Variants in PTER observed in about 807,000 individuals in gnomAD.
The protein encoded by PTER is phosphotriesterase related, also known as N-acetyltaurine hydrolase.
In PTER, 38 loss-of-function variants were observed where a neutral mutation model predicts 29.6. The observed-to-expected ratio is 1.28, with a 90% CI of 0.99 to 1.68. The LOEUF (loss-of-function observed/expected upper bound fraction) is 1.68, where lower values mean the gene tolerates loss of function less well. Among genes scored for constraint, PTER ranks in the 40% most tolerant of loss-of-function variants. The pLI, the probability that PTER is intolerant of heterozygous loss-of-function variation, is 0.00. For missense variants in PTER, 482 were observed against 427.8 expected (o/e 1.13, Z -1.12); for synonymous variants, 172 against 154.5 (o/e 1.11, Z -0.84).
chr10:16,474,801 C>T (rs1323176190), intron 1 of PTER, among the ~76,000 whole-genome samples: 1 of 152,092 alleles, frequency 6.6e-6, no homozygotes, highest in Non-Finnish European at 1.5e-5. Flanking sequence ...GCAGGAGAAT[C>T]GCTTGAACCC....
At chr10:16,459,537 G>A (rs778921723) in intron 1 of PTER, among the ~76,000 whole-genome samples, 3 of 152,024 alleles carry the variant, frequency 2.0e-5, no homozygotes, top group African/African-American at 4.8e-5. Flanking sequence ...GGAACATTTA[G>A]GAACTACAGG....
chr10:16,452,219 A>ACACACACACG (rs1834237298), intron 1 of PTER, among the ~76,000 whole-genome samples: 1 of 146,512 alleles, frequency 6.8e-6, no homozygotes, highest in Non-Finnish European at 1.5e-5. Flanking sequence ...ACACACACAC[A>ACACACACACG]CATATATATA....
rs191818853 is a variant in PTER at position 16,488,730 on chromosome 10, A to G, written c.698+2113A>G. The stretch of plus-strand genomic sequence containing the variant: ...GTGATCCTCCAACCTCAGCCTCCCA[A>G]GAAGCTGGGACTACAGGCATGTGCC... On this transcript the variant is annotated intron_variant, in intron 3 of 4. Coordinates refer to ENST00000535784, the MANE Select transcript of PTER (RefSeq NM_001261836.2). 2.6e-3 allele frequency among the ~76,000 whole-genome samples: 395 copies of G among 152,108 alleles called. 3 individuals carry two copies. Among genetic ancestry groups the G allele is most frequent in the African/African-American group, 9.0e-3 (375 of 41,512 alleles).
intron 1 of PTER, among the ~76,000 whole-genome samples, chr10:16,476,622 G>A (rs1438603927): frequency 6.6e-6 from 1 of 152,006 alleles, no homozygotes; most frequent in African/African-American, 2.4e-5. Context: ...TTGGAGTGCA[G>A]TGGTGTGATC....
At chr10:16,451,483 T>C (rs1588585911) in intron 1 of PTER, among the ~76,000 whole-genome samples, 1 of 152,218 alleles carries the variant, frequency 6.6e-6, no homozygotes. Flanking sequence ...CCAAGGTGGG[T>C]GGATCACTTG....
In PTER at chr10:16,511,238, A is replaced by G. The variant is rs758180150; in HGVS notation, c.1032A>G (p.Gln344=). Residue 344 remains glutamine, a synonymous_variant, in exon 5 of 5, where the codon CAA becomes CAG. Coordinates refer to ENST00000535784, the MANE Select transcript of PTER (RefSeq NM_001261836.2). ...LDKILIENPK[Q]WLTFK ...AGATTCTAATAGAGAACCCTAAGCA[A>G]TGGCTAACTTTCAAATAGGATGGTT... 1 of 1,613,882 alleles carries G rather than the reference A, an allele frequency of 6.2e-7. No individual in the cohort carries two copies. The highest frequency in any genetic ancestry group is 8.5e-7 in the Non-Finnish European group (1 of 1,179,802).
At chr10:16,448,884 G>A (rs564924611) in intron 1 of PTER, among the ~76,000 whole-genome samples, 32 of 152,328 alleles carry the variant, frequency 2.1e-4, no homozygotes, top group African/African-American at 6.7e-4. Flanking sequence ...AAAGGCATTC[G>A]CCAAGTCAGT....
intron 1 of PTER, among the ~76,000 whole-genome samples, chr10:16,461,887 C>G (rs1371015153): frequency 6.6e-6 from 1 of 152,024 alleles, no homozygotes; most frequent in East Asian, 1.9e-4. Context: ...TTGAGTGATA[C>G]CAAATCATTA....
intron 1 of PTER, among the ~76,000 whole-genome samples, chr10:16,463,979 G>A (rs1247669747): frequency 6.6e-6 from 1 of 152,104 alleles, no homozygotes; most frequent in Non-Finnish European, 1.5e-5. Flanking sequence ...AAGTACATCC[G>A]ACGGTCCGGT....
chr10:16,515,551 T>G (rs534286788), downstream of PTER, among the ~76,000 whole-genome samples: 1 of 152,290 alleles, frequency 6.6e-6, no homozygotes, highest in African/African-American at 2.4e-5. Context: ...ATATGTGGCT[T>G]GATTTGAGGG....
At chr10:16,501,170 A>T (rs1166863216) in intron 3 of PTER, among the ~76,000 whole-genome samples, 1 of 151,912 alleles carries the variant, frequency 6.6e-6, no homozygotes, top group African/African-American at 2.4e-5. Flanking sequence ...ACCTCAAATG[A>T]TCCACCTGCC....
intron 4 of PTER, among the ~76,000 whole-genome samples, chr10:16,508,236 T>C (rs982702699): frequency 6.6e-6 from 1 of 151,740 alleles, no homozygotes; most frequent in East Asian, 1.9e-4. Context: ...GCCCGGCTAA[T>C]TTTTTGTATT....
At chr10:16,438,808 C>A (rs1046404981) in intron 1 of PTER, among the ~76,000 whole-genome samples, 11 of 150,850 alleles carry the variant, frequency 7.3e-5, no homozygotes, top group African/African-American at 2.7e-4. Flanking sequence ...GTAATCCCAG[C>A]TACTGGAGAG....
chr10:16,472,542 C>T (rs1008683131), intron 1 of PTER, among the ~76,000 whole-genome samples: 1 of 152,110 alleles, frequency 6.6e-6, no homozygotes, highest in South Asian at 2.1e-4. Flanking sequence ...ATTTGCCGTC[C>T]GCCATGATTG....
chr10:16,478,896 C>T (rs1835377761), intron 1 of PTER, among the ~76,000 whole-genome samples: 2 of 152,054 alleles, frequency 1.3e-5, no homozygotes, highest in Admixed American at 6.5e-5. Flanking sequence ...AGATGAACAC[C>T]TCACATCAAG....
At chr10:16,467,782 C>T (rs1834894133) in intron 1 of PTER, among the ~76,000 whole-genome samples, 2 of 127,664 alleles carry the variant, frequency 1.6e-5, no homozygotes, top group Non-Finnish European at 3.2e-5. Context: ...GCCTGGGTTA[C>T]ATGAGTAAAA....
chr10:16,488,603 G>A (rs200771710), intron 3 of PTER, among the ~76,000 whole-genome samples: 1 of 133,964 alleles, frequency 7.5e-6, no homozygotes, highest in Non-Finnish European at 1.7e-5. Flanking sequence ...ATATATATAT[G>A]GAGAGAGAGA....
intron 1 of PTER, among the ~76,000 whole-genome samples, chr10:16,483,562 T>C (rs186564721): frequency 0.011 from 1,706 of 152,174 alleles, 19 homozygotes; most frequent in South Asian, 0.018. Flanking sequence ...GAAAGATCAG[T>C]TGTGGCCACG....
chr10:16,443,004 A>G (rs1833898589), intron 1 of PTER, among the ~76,000 whole-genome samples: 1 of 152,228 alleles, frequency 6.6e-6, no homozygotes, highest in East Asian at 1.9e-4. Context: ...AATAAAATGT[A>G]GAGCCCCCAG....
Sources: allele counts gnomAD v4.1 joint callset (sites outside exome capture counted in the v4.1 genomes callset), GRCh38; gene constraint gnomAD v4.1.1; transcripts MANE v1.5; gene names NCBI Gene and HGNC (gene_info 2026-07-23, HGNC 2026-07-21).